Variants in KCNJ6 observed in about 807,000 individuals in gnomAD.
KCNJ6 encodes the protein G protein-activated inward rectifier potassium channel 2.
KCNJ6 carries 9 observed loss-of-function variants against 34.2 expected under a neutral mutation model. The ratio of observed to expected loss-of-function variants is 0.26; its 90% CI spans 0.16 to 0.46. The LOEUF (loss-of-function observed/expected upper bound fraction) is 0.46, where lower values mean the gene tolerates loss of function less well. Among genes scored for constraint, KCNJ6 ranks in the 20% least tolerant of loss-of-function variants. The probability of loss-of-function intolerance (pLI) is 1.00; values close to 1 mark genes in which losing one functional copy is unlikely to be tolerated. For missense variants in KCNJ6, 236 were observed against 531.3 expected, an observed-to-expected ratio of 0.44 and a Z score of 5.46; for synonymous variants, 196 against 207.1, an observed-to-expected ratio of 0.95 and a Z score of 0.46.
At chr21:37,761,103 C>T (rs1382472145) in intron 2 of KCNJ6, among the ~76,000 whole-genome samples, 3 of 151,764 alleles carry the variant, frequency 2.0e-5, no homozygotes, top group Non-Finnish European at 4.4e-5. Context: ...GGTGGTGTTG[C>T]GTGTGTGTGT....
intron 1 of KCNJ6, among the ~76,000 whole-genome samples, chr21:37,911,431 G>T (rs895423186): frequency 2.6e-5 from 4 of 151,954 alleles, no homozygotes; most frequent in African/African-American, 9.7e-5. Flanking sequence ...ATTATCTTTT[G>T]GTACTTAAAT....
At chr21:37,780,538 G>GC (rs2055164339) in intron 2 of KCNJ6, among the ~76,000 whole-genome samples, 2 of 151,866 alleles carry the variant, frequency 1.3e-5, no homozygotes, top group African/African-American at 4.8e-5. Context: ...CCACACGAAT[G>GC]CAAGATGTTA....
intron 3 of KCNJ6, among the ~76,000 whole-genome samples, chr21:37,641,473 T>A (rs2054380619): frequency 6.6e-6 from 1 of 152,156 alleles, no homozygotes; most frequent in African/African-American, 2.4e-5. Context: ...AAAGGTGGAT[T>A]ATCCTATGAG....
intron 3 of KCNJ6, among the ~76,000 whole-genome samples, chr21:37,626,414 G>A (rs566939089): frequency 7.2e-5 from 11 of 152,256 alleles, no homozygotes; most frequent in East Asian, 1.9e-4. Flanking sequence ...GATTACAGGC[G>A]TGAGCCACTG....
intron 1 of KCNJ6, among the ~76,000 whole-genome samples, chr21:37,861,427 G>A (rs968723734): frequency 5.9e-5 from 9 of 152,070 alleles, no homozygotes; most frequent in Non-Finnish European, 1.3e-4. Context: ...TTGGATTAAA[G>A]CCCACCCTAG....
chr21:37,763,195 C>T (rs978403261), intron 2 of KCNJ6, among the ~76,000 whole-genome samples: 3 of 152,146 alleles, frequency 2.0e-5, no homozygotes, highest in Non-Finnish European at 4.4e-5. Context: ...GGGGCCAGAC[C>T]CTGCAGCAGC....
chr21:37,657,068 C>A (rs1191280290), intron 3 of KCNJ6, among the ~76,000 whole-genome samples: 1 of 152,108 alleles, frequency 6.6e-6, no homozygotes, highest in East Asian at 1.9e-4. Flanking sequence ...CCCTGGTACC[C>A]ACATGGGCCT....
chr21:37,753,720 A>C (rs1384333185), intron 2 of KCNJ6, among the ~76,000 whole-genome samples: 1 of 152,164 alleles, frequency 6.6e-6, no homozygotes, highest in African/African-American at 2.4e-5. Flanking sequence ...CTGCAGATCG[A>C]GGGAACGCTG....
intron 2 of KCNJ6, among the ~76,000 whole-genome samples, chr21:37,810,034 A>G (rs773093609): frequency 6.6e-6 from 1 of 152,246 alleles, no homozygotes; most frequent in Non-Finnish European, 1.5e-5. Context: ...AGCATAGCCT[A>G]TCCTACCTAA....
In KCNJ6 at chr21:37,853,847, T is replaced by TGTATATATATATATATATATACAC. The variant is rs1555850321; in HGVS notation, c.-27-13139_-27-13138insGTGTATATATATATATATATATAC. On this transcript the variant is annotated intron_variant, in intron 1 of 3. Coordinates refer to ENST00000609713, the MANE Select transcript of KCNJ6 (RefSeq NM_002240.5). ...TAGTTAAGAGATACATATATATATG[T>TGTATATATATATATATATATACAC]ATATATATATATATAAATTACATTG... Among the ~76,000 whole-genome samples the TGTATATATATATATATATATACAC allele has an allele frequency of 1.7e-4, 7 of 40,162 alleles. No homozygotes were observed. The South Asian group carries it at 0.012, about 67-fold the overall frequency. The allele number at this position is 40,162 out of a possible 152,430, so 26.3% of individuals were successfully genotyped here. A position where few individuals can be genotyped will look rare whatever the true frequency, so the allele number is the denominator to read the frequency against.
Position 37,624,559 on chromosome 21 carries a change from G to A in KCNJ6, c.*600C>T, listed in dbSNP as rs1280269745. On this transcript the variant is annotated 3_prime_UTR_variant, in exon 4 of 4. Coordinates refer to ENST00000609713, the MANE Select transcript of KCNJ6 (RefSeq NM_002240.5). The stretch of plus-strand genomic sequence containing the variant: ...TCTATGTACAGTATTTAGCAGTTCT[G>A]TTCTATGGTACTTTTGTACATGCTG... 1.3e-5 allele frequency: 2 copies of A among 152,084 alleles called. No individual in the cohort carries two copies. Among genetic ancestry groups the A allele is most frequent in the African/African-American group, 4.9e-5 (2 of 41,142 alleles). 9.4% of individuals were successfully genotyped at this position (152,084 alleles called of 1,614,324 possible). A position where few individuals can be genotyped will look rare whatever the true frequency, so the allele number is the denominator to read the frequency against.
At chr21:37,859,569 A>T (rs1175243853) in intron 1 of KCNJ6, among the ~76,000 whole-genome samples, 1 of 140,154 alleles carries the variant, frequency 7.1e-6, no homozygotes, top group African/African-American at 2.8e-5. Flanking sequence ...TCTAGCCAGC[A>T]CTGGGTGTTG....
chr21:37,736,456 A>G (rs770986819), intron 2 of KCNJ6, among the ~76,000 whole-genome samples: 1 of 152,220 alleles, frequency 6.6e-6, no homozygotes, highest in Non-Finnish European at 1.5e-5. Context: ...TCATCAATGT[A>G]CTAAATGCCT....
intron 2 of KCNJ6, among the ~76,000 whole-genome samples, chr21:37,839,234 A>T (rs1052330085): frequency 6.6e-6 from 1 of 152,176 alleles, no homozygotes; most frequent in Non-Finnish European, 1.5e-5. Flanking sequence ...CTACAGGTGG[A>T]AAAAAAGGAC....
chr21:37,908,402 A>C (rs906054687), intron 1 of KCNJ6, among the ~76,000 whole-genome samples: 1 of 152,248 alleles, frequency 6.6e-6, no homozygotes, highest in Non-Finnish European at 1.5e-5. Context: ...AATGACTATT[A>C]GTAGACTAAT....
chr21:37,802,169 C>A (rs1334392718), intron 2 of KCNJ6, among the ~76,000 whole-genome samples: 1 of 152,158 alleles, frequency 6.6e-6, no homozygotes, highest in Non-Finnish European at 1.5e-5. Flanking sequence ...CCATTCATTT[C>A]CTCATCCTGT....
chr21:37,673,900 G>C (rs2054552903), intron 3 of KCNJ6, among the ~76,000 whole-genome samples: 1 of 152,188 alleles, frequency 6.6e-6, no homozygotes, highest in Non-Finnish European at 1.5e-5. Context: ...CCTTGGGAGA[G>C]AAGATGGCCA....
intron 2 of KCNJ6, among the ~76,000 whole-genome samples, chr21:37,831,825 G>A (rs375116578): frequency 4.1e-4 from 63 of 152,258 alleles, no homozygotes; most frequent in African/African-American, 1.5e-3. Context: ...GCGGTCTTGC[G>A]GGGAGAGACT....
At position 37,840,711 on chromosome 21, in the gene KCNJ6, TGGAGGTGA is replaced by T; in HGVS notation, c.-27-10_-27-3del. On this transcript the variant is annotated splice_polypyrimidine_tract_variant and splice_region_variant and intron_variant, in intron 1 of 3. Transcript: ENST00000609713. Reference sequence around the variant, plus strand: ...TGCAGTTTCTTCTTTGTGCTTTTCCTGGAGGTGAGAAGAAAAGACAATTATCTGTAAAA... The same window carrying T: ...TGCAGTTTCTTCTTTGTGCTTTTCCTGAAGAAAAGACAATTATCTGTAAAA... 6.4e-7 allele frequency: 1 copy of T among 1,565,092 alleles called. No individual in the cohort carries two copies. Among genetic ancestry groups the T allele is most frequent in the Non-Finnish European group, 8.8e-7 (1 of 1,138,814 alleles).
Sources: allele counts gnomAD v4.1 joint callset (sites outside exome capture counted in the v4.1 genomes callset), GRCh38; gene constraint gnomAD v4.1.1; transcripts MANE v1.5; gene names NCBI Gene and HGNC (gene_info 2026-07-23, HGNC 2026-07-21).